The following MAPK7 variants were observed in gnomAD, a reference collection of about 807,000 sequenced individuals.
The protein encoded by MAPK7 is mitogen-activated protein kinase 7.
MAPK7 carries 30 observed loss-of-function variants against 56.9 expected under a neutral mutation model. The observed-to-expected ratio is 0.53, with a 90% CI of 0.39 to 0.72. The LOEUF is 0.72. Among genes scored for constraint, MAPK7 ranks in the 30% least tolerant of loss-of-function variants. MAPK7 has a pLI of 0.00. For synonymous variants in MAPK7, 516 were observed against 449.3 expected (o/e 1.15, Z -1.88); for missense variants, 952 against 1,110.8 (o/e 0.86, Z 2.03).
At chr17:19,378,345 C>G (rs1239266651), upstream of MAPK7, 1 of 988,742 alleles carries the variant, frequency 1.0e-6, no homozygotes, top group Non-Finnish European at 1.2e-6. This position sits in a 1 kb window ranked among gnomAD's most constrained non-coding sequence, Gnocchi z 5.4. Flanking sequence ...GCGAGCTGGA[C>G]AGCGGCGCGC....
upstream of MAPK7, chr17:19,378,413 C>T: frequency 4.0e-6 from 4 of 1,008,004 alleles, no homozygotes; most frequent in Non-Finnish European, 4.7e-6. The surrounding 1 kb of genome is among the most constrained non-coding windows in gnomAD (Gnocchi z 5.4). Flanking sequence ...GTAGAAGGGG[C>T]AGGACCCTCC....
intron 2 of MAPK7, 34 bp downstream of exon 2, chr17:19,379,166 G>T (rs752243700): frequency 1.5e-5 from 23 of 1,586,092 alleles, no homozygotes; most frequent in Non-Finnish European, 2.0e-5. Flanking sequence ...CCCAGATGTG[G>T]CAGCGTCGCA....
Position 19,379,911 on chromosome 17 carries a change from T to G in MAPK7, c.362T>G (p.Leu121Arg). The G allele has an allele frequency of 6.2e-7, 1 of 1,614,202 alleles. No homozygotes were observed. Among genetic ancestry groups the G allele is most frequent in the South Asian group, 1.1e-5 (1 of 91,080 alleles). The change falls in exon 3 of 7, where the codon CTG becomes CGG. Residue 121 changes from leucine (L) to arginine (R), a missense_variant. Leu to Arg is a moderately radical substitution (Grantham distance 102, BLOSUM62 -2). Around this residue, in one of 5 missense-constraint regions of MAPK7, gnomAD observed 213 missense variants for 243.2 expected, o/e 0.88. Transcript: ENST00000395604. ...AACATCATCGCCATCAAGGACATCC[T>G]GAGGCCCACCGTGCCCTATGGCGAA... ...HDNIIAIKDI[L>R]RPTVPYGEFK...
chr17:19,380,198 C>A, intron 3 of MAPK7: 1 of 548,586 alleles, frequency 1.8e-6, no homozygotes, highest in Admixed American at 3.6e-5. Context: ...CTACTATGAC[C>A]ACACCCTCCT....
At chr17:19,378,003 C>T, upstream of MAPK7, 1 of 985,342 alleles carries the variant, frequency 1.0e-6, no homozygotes. This position sits in a 1 kb window ranked among gnomAD's most constrained non-coding sequence, Gnocchi z 5.4. Context: ...TGACGGGCAC[C>T]CTCTACCGGG....
In MAPK7 at chr17:19,383,282, T is replaced by C. The variant is rs1426713770; in HGVS notation, c.*51T>C. 2.5e-6 allele frequency: 4 copies of C among 1,595,104 alleles called. No homozygotes were observed. Among genetic ancestry groups the C allele is most frequent in the Admixed American group, 1.7e-5 (1 of 59,254 alleles). ...ACAGTAGACCTAGTTCCAGGATCCA[T>C]GGGAGCATTCTCAAAGGCTTTAGCC... On this transcript the variant is annotated 3_prime_UTR_variant, in exon 7 of 7. Transcript: ENST00000395604.
chr17:19,380,091 G>A (rs1259832603), intron 3 of MAPK7, 144 bp downstream of exon 3: 4 of 848,986 alleles, frequency 4.7e-6, no homozygotes. Context: ...GTTCTTTAGA[G>A]TTTTGCCAGG....
Position 19,381,939 on chromosome 17 carries a change from G to T in MAPK7, c.1636G>T (p.Gly546Trp). The T allele has an allele frequency of 2.6e-6, 4 of 1,551,738 alleles. No individual in the cohort carries two copies. The highest frequency in any genetic ancestry group is 3.5e-6 in the Non-Finnish European group (4 of 1,147,174). The change falls in exon 5 of 7, where the codon GGG becomes TGG. Residue 546 changes from glycine (G) to tryptophan (W), a missense_variant. This residue lies in a region of MAPK7 where 429 missense variants were observed against 533.0 expected (regional missense o/e 0.80). Coordinates refer to ENST00000395604, the MANE Select transcript of MAPK7 (RefSeq NM_002749.4). The surrounding 1 kb of genome is among the most constrained non-coding windows in gnomAD (Gnocchi z 4.6). ...QERERKERGA[G>W]ASGGPSTDPL... ...GCGGGAGCGAAAGGAACGGGGGGCTGGGGCCTCTGGGGGCCCCTCCACTGA... is the reference window on the plus strand; with the variant it reads ...GCGGGAGCGAAAGGAACGGGGGGCTTGGGCCTCTGGGGGCCCCTCCACTGA...
chr17:19,383,210 G>A lies in MAPK7; in HGVS notation c.2430G>A (p.Leu810=), dbSNP rs1286562273. The change falls in exon 7 of 7, where the codon CTG becomes CTA. Residue 810 remains leucine, a synonymous_variant. Coordinates refer to ENST00000395604, the MANE Select transcript of MAPK7 (RefSeq NM_002749.4). ...QMDSPMLLAD[L]PDLQDP The stretch of plus-strand genomic sequence containing the variant: ...ACTCCCCAATGCTGCTGGCTGACCT[G>A]CCTGACCTCCAGGACCCCTGAGGCC... 16 of 1,614,018 alleles carry A rather than the reference G, an allele frequency of 9.9e-6. No individual in the cohort carries two copies. Among genetic ancestry groups the A allele is most frequent in the Non-Finnish European group, 1.3e-5 (15 of 1,179,994 alleles).
Position 19,379,125 on chromosome 17 carries a change from C to T in MAPK7, c.225C>T (p.Arg75=). The change falls in exon 2 of 7, where the codon CGC becomes CGT. Residue 75 remains arginine, a synonymous_variant. Coordinates refer to ENST00000395604, the MANE Select transcript of MAPK7 (RefSeq NM_002749.4). The part of the protein sequence containing the change: ...AYGVVSSARR[R]LTGQQVAIKK... ...GAGTGGTGTCCTCCGCCCGCCGCCGCCTCACCGGTGAGCTTCCTGAGCCGT... is the reference window on the plus strand; with the variant it reads ...GAGTGGTGTCCTCCGCCCGCCGCCGTCTCACCGGTGAGCTTCCTGAGCCGT... The T allele has an allele frequency of 1.2e-6, 2 of 1,612,536 alleles. No individual in the cohort carries two copies. Among genetic ancestry groups the T allele is most frequent in the Non-Finnish European group, 8.5e-7 (1 of 1,179,670 alleles).
Position 19,378,507 on chromosome 17 carries a change from CAAG to C in MAPK7, c.-127_-125del, listed in dbSNP as rs1912297420. ...GCGGAGGGGGACGGACAGGGCAGCT[CAAG>C]ACGCTGAGGTGGTGGCTGCGGCCTT... On this transcript the variant is annotated 5_prime_UTR_variant, in exon 1 of 7. Transcript: ENST00000395604. This position sits in a 1 kb window ranked among gnomAD's most constrained non-coding sequence, Gnocchi z 5.4. 9.1e-7 allele frequency: 1 copy of C among 1,093,978 alleles called. No homozygotes were observed. The highest frequency in any genetic ancestry group is 2.6e-5 in the South Asian group (1 of 38,710). 67.8% of individuals were successfully genotyped at this position (1,093,978 alleles called of 1,614,324 possible).
rs927231540 is a variant in MAPK7, at chr17:19,381,629, A to G, written c.1420A>G (p.Asn474Asp). Residue 474 changes from asparagine (N) to aspartate (D), a missense_variant, in exon 4 of 7, where the codon AAT (asparagine) becomes GAT (aspartate). Asn to Asp is a conservative substitution (Grantham distance 23, BLOSUM62 1). Coordinates refer to ENST00000395604, the MANE Select transcript of MAPK7 (RefSeq NM_002749.4). This position sits in a 1 kb window ranked among gnomAD's most constrained non-coding sequence, Gnocchi z 4.6. ...AAAGAAAGATGGTGCCATCTCAGAC[A>G]ATACTAAGGCTGCCCTTAAAGCTGC... The part of the protein sequence containing the change: ...PPKKDGAISD[N>D]TKAALKAALL... 1.2e-5 allele frequency: 20 copies of G among 1,613,170 alleles called. No individual in the cohort carries two copies. Among genetic ancestry groups the G allele is most frequent in the Non-Finnish European group, 1.7e-5 (20 of 1,179,550 alleles).
chr17:19,378,826 T>C lies in MAPK7; in HGVS notation c.-5-70T>C. On this transcript the variant is annotated intron_variant, in intron 1 of 6. Transcript: ENST00000395604. This position sits in a 1 kb window ranked among gnomAD's most constrained non-coding sequence, Gnocchi z 5.4. Reference sequence around the variant, plus strand: ...AAACTGGGAAGTTCCCTGGTCCTGCTCCCCAGCCCGCAGAGGGGACACTGA... The same window carrying C: ...AAACTGGGAAGTTCCCTGGTCCTGCCCCCCAGCCCGCAGAGGGGACACTGA... 1 of 1,392,874 alleles carries C rather than the reference T, an allele frequency of 7.2e-7. No homozygotes were observed. The highest frequency in any genetic ancestry group is 9.7e-7 in the Non-Finnish European group (1 of 1,026,152). The allele number at this position is 1,392,874 out of a possible 1,614,324, so 86.3% of individuals were successfully genotyped here. A position where few individuals can be genotyped will look rare whatever the true frequency, so the allele number is the denominator to read the frequency against.
intron 3 of MAPK7, 81 bp downstream of exon 3, chr17:19,380,028 C>T: frequency 1.3e-6 from 2 of 1,485,548 alleles, no homozygotes; most frequent in Non-Finnish European, 1.8e-6. Context: ...TCTGGAAAGG[C>T]AGCTGAATCT....
chr17:19,378,737 C>G lies in MAPK7; in HGVS notation c.-6+107C>G, dbSNP rs1232649564. The G allele has an allele frequency of 1.5e-6, 2 of 1,345,962 alleles. No homozygotes were observed. The highest frequency in any genetic ancestry group is 2.0e-6 in the Non-Finnish European group (2 of 1,023,200). 83.4% of individuals were successfully genotyped at this position (1,345,962 alleles called of 1,614,324 possible). A position where few individuals can be genotyped will look rare whatever the true frequency, so the allele number is the denominator to read the frequency against. ...CCTGGCGGGCCCCCGGCTCTGGGCC[C>G]GGACCCCTGGGGTAGCTAGTCTGCC... On this transcript the variant is annotated intron_variant, in intron 1 of 6. Transcript: ENST00000395604. This position sits in a 1 kb window ranked among gnomAD's most constrained non-coding sequence, Gnocchi z 5.4.
Position 19,381,395 on chromosome 17 carries a change from C to T in MAPK7, c.1186C>T (p.Arg396Cys), listed in dbSNP as rs200542703. The change falls in exon 4 of 7, where the codon CGC (arginine) becomes TGC (cysteine). Residue 396 changes from arginine (R) to cysteine (C), a missense_variant. Transcript: ENST00000395604. The surrounding 1 kb of genome is among the most constrained non-coding windows in gnomAD (Gnocchi z 4.6). The part of the protein sequence containing the change: ...EDFHARREGI[R>C]QQIRFQPSLQ... Reference sequence around the variant, plus strand: ...CTTCCATGCAAGGCGTGAGGGCATCCGCCAACAGATCCGCTTCCAGCCTTC... The same window carrying T: ...CTTCCATGCAAGGCGTGAGGGCATCTGCCAACAGATCCGCTTCCAGCCTTC... 5.3e-5 allele frequency: 85 copies of T among 1,614,158 alleles called. No individual in the cohort carries two copies. Among genetic ancestry groups the T allele is most frequent in the Admixed American group, 4.2e-4 (25 of 60,030 alleles).
rs913320458 is a variant in MAPK7 at position 19,381,528 on chromosome 17, C to A, written c.1319C>A (p.Pro440Gln). ...AMESPPPAPP[P>Q]CPGPAPDTID... ...GAGTCTCCACCACCAGCCCCGCCAC[C>A]ATGCCCCGGCCCTGCACCTGACACC... Residue 440 changes from proline to glutamine, a missense_variant, in exon 4 of 7, where the codon CCA becomes CAA. Transcript: ENST00000395604. The surrounding 1 kb of genome is among the most constrained non-coding windows in gnomAD (Gnocchi z 4.6). 6.2e-7 allele frequency: 1 copy of A among 1,613,836 alleles called. No individual in the cohort carries two copies. Among genetic ancestry groups the A allele is most frequent in the Non-Finnish European group, 8.5e-7 (1 of 1,179,996 alleles).
In MAPK7 at chr17:19,378,567, C is replaced by T. The variant is rs930751844; in HGVS notation, c.-69C>T. The T allele has an allele frequency of 2.6e-5, 31 of 1,213,390 alleles. No individual in the cohort carries two copies. Among genetic ancestry groups the T allele is most frequent in the Admixed American group, 4.2e-5 (1 of 23,988 alleles). 75.2% of individuals were successfully genotyped at this position (1,213,390 alleles called of 1,614,324 possible). A position where few individuals can be genotyped will look rare whatever the true frequency, so the allele number is the denominator to read the frequency against. On this transcript the variant is annotated 5_prime_UTR_variant, in exon 1 of 7. Coordinates refer to ENST00000395604, the MANE Select transcript of MAPK7 (RefSeq NM_002749.4). This position sits in a 1 kb window ranked among gnomAD's most constrained non-coding sequence, Gnocchi z 5.4. ...AGTAAGTGAGCCACCCTCGGAGACC[C>T]CCGCGCTGGGGACGGGAGGCCGGCG... is the stretch of plus-strand genomic sequence containing the variant.
At chr17:19,382,788 C>T (rs1174392574) in intron 5 of MAPK7, 25 bp from the exon 6 acceptor site, 8 of 1,612,260 alleles carry the variant, frequency 5.0e-6, no homozygotes, top group East Asian at 2.2e-5. Flanking sequence ...AGTCTGTCTG[C>T]ATTGTAACCT....
Sources: gnomAD v4.1 joint callset for allele counts on GRCh38, gnomAD v4.1.1 for gene constraint, gnomAD v4.1.1 regional missense constraint, Gnocchi (gnomAD v3.1) non-coding constraint, MANE v1.5 for transcripts, NCBI Gene and HGNC (gene_info 2026-07-23, HGNC 2026-07-21) for gene names.